Variants in CSMD1 observed in about 807,000 individuals in gnomAD.
The protein encoded by CSMD1 is CUB and Sushi multiple domains 1.
In CSMD1, 213 loss-of-function variants were observed where a neutral mutation model predicts 417.5. The ratio of observed to expected loss-of-function variants is 0.51; its 90% CI spans 0.46 to 0.57. The LOEUF (loss-of-function observed/expected upper bound fraction) is 0.57. Ranked by LOEUF, CSMD1 falls within the 20% of genes least tolerant of loss-of-function variation. The pLI is 0.00. For synonymous variants in CSMD1, 2,862 were observed against 1,736.8 expected (o/e 1.65, Z -16.11); for missense variants, 6,923 against 4,529.7 (o/e 1.53, Z -15.17).
At chr8:3,289,280 T>A (rs1803378427) in intron 25 of CSMD1, among the ~76,000 whole-genome samples, 1 of 147,344 alleles carries the variant, frequency 6.8e-6, no homozygotes, top group Non-Finnish European at 1.5e-5. Flanking sequence ...AGTGCCGCTA[T>A]AAACATACGT....
intron 2 of CSMD1, among the ~76,000 whole-genome samples, chr8:4,559,769 T>C (rs1304834084): frequency 1.3e-5 from 2 of 152,256 alleles, no homozygotes; most frequent in Admixed American, 6.5e-5. Context: ...TTGTTATCAG[T>C]GCAGCCTGGT....
At chr8:4,583,733 G>A (rs1799562700) in intron 2 of CSMD1, among the ~76,000 whole-genome samples, 2 of 152,148 alleles carry the variant, frequency 1.3e-5, no homozygotes, top group African/African-American at 2.4e-5. Flanking sequence ...TCAGCACCCT[G>A]TCAAAACAGA....
At chr8:3,711,941 G>A (rs143855533) in intron 6 of CSMD1, among the ~76,000 whole-genome samples, 5 of 152,270 alleles carry the variant, frequency 3.3e-5, no homozygotes, top group South Asian at 2.1e-4. Context: ...CAGAAAATTC[G>A]AGTAGTCTCT....
At chr8:3,843,383 A>T (rs1803259317) in intron 5 of CSMD1, among the ~76,000 whole-genome samples, 1 of 152,200 alleles carries the variant, frequency 6.6e-6, no homozygotes, top group Non-Finnish European at 1.5e-5. Flanking sequence ...GTATGTAATT[A>T]TAAGCAAAGA....
At chr8:4,577,211 A>G (rs2130680943) in intron 2 of CSMD1, among the ~76,000 whole-genome samples, 1 of 152,324 alleles carries the variant, frequency 6.6e-6, no homozygotes. Flanking sequence ...ATGTATCAAA[A>G]TCAAATATAG....
chr8:4,683,585 G>C (rs550127255), intron 1 of CSMD1, among the ~76,000 whole-genome samples: 19 of 152,264 alleles, frequency 1.2e-4, no homozygotes, highest in African/African-American at 4.3e-4. Context: ...GTTGGTAGTG[G>C]AGCCAGAAAA....
chr8:3,060,770 G>C (rs937137170), intron 49 of CSMD1, among the ~76,000 whole-genome samples: 1 of 152,184 alleles, frequency 6.6e-6, no homozygotes, highest in Non-Finnish European at 1.5e-5. Context: ...CATTTAAAAG[G>C]TGATCAGGTC....
intron 2 of CSMD1, among the ~76,000 whole-genome samples, chr8:4,436,391 C>G (rs1053999523): frequency 2.6e-5 from 4 of 152,046 alleles, no homozygotes; most frequent in Admixed American, 1.3e-4. Flanking sequence ...GTGCTTAAGT[C>G]TGTTTCAATT....
intron 50 of CSMD1, among the ~76,000 whole-genome samples, chr8:3,040,408 ATATAT>A (rs1811006774): frequency 1.4e-5 from 2 of 144,252 alleles, no homozygotes; most frequent in African/African-American, 5.3e-5. Context: ...ATATATATAT[ATATAT>A]AACAGAAATA....
At chr8:3,324,709 C>G (rs1806410248) in intron 23 of CSMD1, among the ~76,000 whole-genome samples, 1 of 151,370 alleles carries the variant, frequency 6.6e-6, no homozygotes, top group Admixed American at 6.6e-5. Flanking sequence ...AAAATAGGCC[C>G]ACATCTAACC....
intron 25 of CSMD1, among the ~76,000 whole-genome samples, chr8:3,285,953 A>G (rs544615454): frequency 3.3e-5 from 5 of 152,248 alleles, no homozygotes; most frequent in African/African-American, 1.2e-4. Context: ...ATTTAACATT[A>G]GATAAATTTC....
At chr8:3,935,820 A>T (rs1199988913) in intron 5 of CSMD1, among the ~76,000 whole-genome samples, 1 of 152,164 alleles carries the variant, frequency 6.6e-6, no homozygotes, top group Non-Finnish European at 1.5e-5. Flanking sequence ...AGTGAAAGGA[A>T]GAGTCACATG....
intron 10 of CSMD1, among the ~76,000 whole-genome samples, chr8:3,505,430 T>C (rs1796783506): frequency 6.6e-6 from 1 of 152,136 alleles, no homozygotes; most frequent in Non-Finnish European, 1.5e-5. Context: ...GAATCAATAA[T>C]TAGAAAAATA....
intron 3 of CSMD1, among the ~76,000 whole-genome samples, chr8:4,110,088 T>C (rs1801771898): frequency 6.6e-6 from 1 of 152,160 alleles, no homozygotes; most frequent in African/African-American, 2.4e-5. Flanking sequence ...ATAATAAGCT[T>C]TCCTCCAGCA....
rs747817540 is a variant in CSMD1, at chr8:3,961,721, G to C, written c.818+36182C>G. Among the ~76,000 whole-genome samples, 5 of 152,318 alleles carry C rather than the reference G, an allele frequency of 3.3e-5. No homozygotes were observed. The East Asian group carries it at 7.7e-4, about 24-fold the overall frequency. ...AAAGATTGCTGCGATACTCATGGGA[G>C]CATTTCCTGCGTATGTAGTAAAGCC... On this transcript the variant is annotated intron_variant, in intron 5 of 69. Coordinates refer to ENST00000635120, the MANE Select transcript of CSMD1 (RefSeq NM_033225.6).
At chr8:3,201,342 C>A (rs1442276402) in intron 32 of CSMD1, among the ~76,000 whole-genome samples, 1 of 151,986 alleles carries the variant, frequency 6.6e-6, no homozygotes, top group Non-Finnish European at 1.5e-5. Flanking sequence ...ATTATCCCAC[C>A]CTCTTTTTCG....
chr8:2,963,439 C>CT (rs756547395), intron 59 of CSMD1, 44 bp from the exon 60 acceptor site: 1 of 1,591,036 alleles, frequency 6.3e-7, no homozygotes, highest in Non-Finnish European at 8.6e-7. Context: ...GGAGCTCCCG[C>CT]TGCAGCGGTG....
intron 1 of CSMD1, among the ~76,000 whole-genome samples, chr8:4,848,842 C>G (rs1031626666): frequency 4.6e-5 from 7 of 152,200 alleles, no homozygotes; most frequent in Non-Finnish European, 7.3e-5. Flanking sequence ...ACGCGCCCAA[C>G]CCAGTACATA....
intron 8 of CSMD1, among the ~76,000 whole-genome samples, chr8:3,609,254 G>C (rs1188177422): frequency 6.6e-6 from 1 of 152,168 alleles, no homozygotes; most frequent in African/African-American, 2.4e-5. Context: ...ATGAACAATA[G>C]ATGACAGTAC....
Sources: gnomAD v4.1 joint callset for allele counts (sites outside exome capture counted in the v4.1 genomes callset) on GRCh38, gnomAD v4.1.1 for gene constraint, MANE v1.5 for transcripts, NCBI Gene and HGNC (gene_info 2026-07-23, HGNC 2026-07-21) for gene names.